The following PVT1 variants were observed in gnomAD, a reference collection of about 807,000 sequenced individuals.
PVT1 encodes the protein Pvt1 oncogene, also known as CXCR4/PVT1 fusion.
chr8:127,826,424 T>G (rs1280281374), intron 2 of PVT1, among the ~76,000 whole-genome samples: 1 of 152,206 alleles, frequency 6.6e-6, no homozygotes, highest in Admixed American at 6.5e-5. Flanking sequence ...TCAGCCAACC[T>G]GCACTTTAGT....
intron 2 of PVT1, among the ~76,000 whole-genome samples, chr8:127,815,666 A>C (rs1814652353): frequency 6.6e-6 from 1 of 152,362 alleles, no homozygotes; most frequent in South Asian, 2.1e-4. Context: ...ACCCACCCAA[A>C]AAATCCCAAC....
intron 5 of PVT1, among the ~76,000 whole-genome samples, chr8:128,095,780 C>A (rs559068531): frequency 6.6e-6 from 1 of 152,302 alleles, no homozygotes; most frequent in Admixed American, 6.5e-5. Context: ...GTTAGCGTTG[C>A]GGTCAGCCGC....
At chr8:128,097,872 A>G (rs1185175286) in intron 6 of PVT1, among the ~76,000 whole-genome samples, 1 of 152,040 alleles carries the variant, frequency 6.6e-6, no homozygotes, top group East Asian at 1.9e-4. Flanking sequence ...CCCCACAGCC[A>G]GTGGACAGGC....
intron 1 of PVT1, chr8:127,794,738 A>T (rs1814374517): frequency 6.5e-6 from 1 of 153,362 alleles, no homozygotes; most frequent in Non-Finnish European, 1.5e-5. Context: ...CCCTCCAGTA[A>T]GTTCCAATTT....
intron 2 of PVT1, chr8:127,855,357 G>A (rs1008378014): frequency 4.0e-5 from 16 of 396,032 alleles, no homozygotes; most frequent in African/African-American, 2.3e-4. Flanking sequence ...AATGGGTCCC[G>A]GTGTGCGGAA....
chr8:127,953,272 C>T (rs143978407), intron 3 of PVT1, among the ~76,000 whole-genome samples: 2 of 152,154 alleles, frequency 1.3e-5, no homozygotes, highest in Non-Finnish European at 2.9e-5. Context: ...GGAGATCACC[C>T]TACTGCAACC....
intron 4 of PVT1, among the ~76,000 whole-genome samples, chr8:128,019,460 A>G (rs553020867): frequency 2.0e-5 from 3 of 152,310 alleles, no homozygotes; most frequent in South Asian, 2.1e-4. Context: ...AGGTTTGTCA[A>G]TTTCAATGGT....
intron 3 of PVT1, among the ~76,000 whole-genome samples, chr8:127,944,990 T>G (rs759261454): frequency 2.0e-5 from 3 of 152,148 alleles, no homozygotes; most frequent in Non-Finnish European, 2.9e-5. Flanking sequence ...ACCCTCTTTT[T>G]TCATATGTGA....
At chr8:127,827,527 C>T (rs1208154985) in intron 2 of PVT1, among the ~76,000 whole-genome samples, 12 of 152,120 alleles carry the variant, frequency 7.9e-5, no homozygotes, top group South Asian at 2.1e-4. Flanking sequence ...GCCCCCTTCA[C>T]GGTCCAGGAG....
chr8:127,953,053 C>G (rs552500477), intron 3 of PVT1, among the ~76,000 whole-genome samples: 17 of 152,230 alleles, frequency 1.1e-4, no homozygotes, highest in African/African-American at 3.9e-4. Context: ...CGTGAGCCAC[C>G]GCGTCCGGCC....
intron 3 of PVT1, among the ~76,000 whole-genome samples, chr8:127,940,925 G>A (rs1465270500): frequency 6.6e-6 from 1 of 152,170 alleles, no homozygotes; most frequent in Non-Finnish European, 1.5e-5. Context: ...CTAGGGCAGA[G>A]GTCAGACATG....
chr8:127,950,953 A>T (rs997699964), intron 3 of PVT1, among the ~76,000 whole-genome samples: 1 of 152,152 alleles, frequency 6.6e-6, no homozygotes, highest in Non-Finnish European at 1.5e-5. Flanking sequence ...GCTGGAGTGC[A>T]GTGGTATGAT....
intron 4 of PVT1, among the ~76,000 whole-genome samples, chr8:128,046,145 C>A (rs574591721): frequency 2.6e-5 from 4 of 152,188 alleles, no homozygotes; most frequent in Admixed American, 6.5e-5. Flanking sequence ...CATAGCTGCT[C>A]ACCTTTCAGA....
chr8:127,991,299 C>T (rs374208870), intron 4 of PVT1, among the ~76,000 whole-genome samples: 8 of 151,950 alleles, frequency 5.3e-5, no homozygotes, highest in East Asian at 1.9e-4. Flanking sequence ...CCCACCACCA[C>T]GCCTGGCTAC....
At chr8:127,832,490 A>G (rs1182198122) in intron 2 of PVT1, among the ~76,000 whole-genome samples, 2 of 152,234 alleles carry the variant, frequency 1.3e-5, no homozygotes, top group African/African-American at 4.8e-5. Flanking sequence ...TTTGTGACTG[A>G]TTTAGCAAAT....
intron 2 of PVT1, among the ~76,000 whole-genome samples, chr8:127,828,539 A>G (rs1472009800): frequency 6.6e-6 from 1 of 152,062 alleles, no homozygotes; most frequent in African/African-American, 2.4e-5. Context: ...TGATAAAGCA[A>G]ACAAGTCCTG....
intron 2 of PVT1, among the ~76,000 whole-genome samples, chr8:127,888,563 T>C (rs1166622116): frequency 6.6e-6 from 1 of 152,240 alleles, no homozygotes; most frequent in Non-Finnish European, 1.5e-5. Flanking sequence ...ACGGATGATT[T>C]TGGATCATCT....
At chr8:127,895,451 A>T (rs1439830706) in intron 3 of PVT1, among the ~76,000 whole-genome samples, 2 of 152,168 alleles carry the variant, frequency 1.3e-5, no homozygotes, top group African/African-American at 2.4e-5. Flanking sequence ...AGCCTGCGTG[A>T]CAAACTGAGA....
intron 3 of PVT1, chr8:127,948,199 C>T (rs917899155): frequency 7.0e-5 from 24 of 341,184 alleles, no homozygotes; most frequent in Admixed American, 1.6e-4. Flanking sequence ...CTGTGGATGG[C>T]GTGTAGTAGT....
Sources: allele counts gnomAD v4.1 joint callset (sites outside exome capture counted in the v4.1 genomes callset), GRCh38; gene constraint gnomAD v4.1.1; transcripts MANE v1.5; gene names NCBI Gene and HGNC (gene_info 2026-07-23, HGNC 2026-07-21).